The following BEST1 variants were observed in gnomAD, a reference collection of about 807,000 sequenced individuals.
BEST1 encodes the protein bestrophin 1.
In BEST1, 58 loss-of-function variants were observed where a neutral mutation model predicts 63.3. The ratio of observed to expected loss-of-function variants is 0.92; its 90% CI spans 0.74 to 1.14. The LOEUF is 1.14. BEST1 is among the 50% of genes most tolerant of loss of function. The pLI, the probability that BEST1 is intolerant of heterozygous loss-of-function variation, is 0.00. For missense variants in BEST1, 671 were observed against 740.1 expected (o/e 0.91, Z 1.08); for synonymous variants, 283 against 291.6 (o/e 0.97, Z 0.30).
At position 61,962,331 on chromosome 11, in the gene BEST1, T is replaced by C; in HGVS notation, c.1177T>C (p.Phe393Leu). Reference protein sequence around the residue: ...EDAHAGIIGRFLGLQSHDHHP... With the variant: ...EDAHAGIIGRLLGLQSHDHHP... ...TGCTCACGCTGGCATCATTGGCCGC[T>C]TCCTAGGCCTGCAGTCCCATGATCA... The change falls in exon 10 of 11, where the codon TTC becomes CTC. Residue 393 changes from phenylalanine (F) to leucine (L), a missense_variant. Physicochemically the swap from Phe to Leu is conservative, Grantham distance 22. Transcript: ENST00000378043. 6.2e-7 allele frequency: 1 copy of C among 1,614,124 alleles called. No individual in the cohort carries two copies. The highest frequency in any genetic ancestry group is 8.5e-7 in the Non-Finnish European group (1 of 1,180,012).
At chr11:61,957,083 T>A in intron 5 of BEST1, 85 bp downstream of exon 5, 1 of 1,594,580 alleles carries the variant, frequency 6.3e-7, no homozygotes, top group Non-Finnish European at 8.5e-7. Flanking sequence ...AAGAGAAGCC[T>A]TGGGCCCCTG....
chr11:61,959,405 G>T (rs1390112263), intron 7 of BEST1, 93 bp from the exon 8 acceptor site: 3 of 1,229,486 alleles, frequency 2.4e-6, no homozygotes, highest in Non-Finnish European at 3.6e-6. Context: ...GGGCGTCATG[G>T]GGTGTGGAAA....
chr11:61,963,498 T>C, intron 10 of BEST1: 1 of 1,058,588 alleles, frequency 9.4e-7, no homozygotes, highest in Non-Finnish European at 1.1e-6. Flanking sequence ...CAAAATCAGA[T>C]ATTTCCCTTT....
chr11:61,958,893 C>G, intron 7 of BEST1: 1 of 102,488 alleles, frequency 9.8e-6, no homozygotes, highest in Non-Finnish European at 1.9e-5. Flanking sequence ...CACACACACA[C>G]ACACACACAC....
chr11:61,959,382 G>T, intron 7 of BEST1, 116 bp from the exon 8 acceptor site: 2 of 974,466 alleles, frequency 2.1e-6, no homozygotes, highest in Non-Finnish European at 3.2e-6. Context: ...TGAAGACAGT[G>T]GTCAGGCAGG....
rs578075838 is a variant in BEST1, at chr11:61,962,644, C to T, written c.1490C>T (p.Thr497Ile). The change falls in exon 10 of 11, where the codon ACC (threonine) becomes ATC (isoleucine). Residue 497 changes from threonine (T) to isoleucine (I), a missense_variant. By Grantham distance (89) the Thr-to-Ile change is moderately conservative. Transcript: ENST00000378043. ...CTTCACAGTGTCACAGGCATAGACACCAAAGACAAAAGCTTAAAGACTGTG... is the reference window on the plus strand; with the variant it reads ...CTTCACAGTGTCACAGGCATAGACATCAAAGACAAAAGCTTAAAGACTGTG... The part of the protein sequence containing the change: ...SKLHSVTGID[T>I]KDKSLKTVSS... 2 of 1,614,006 alleles carry T rather than the reference C, an allele frequency of 1.2e-6. No individual in the cohort carries two copies. Among genetic ancestry groups the T allele is most frequent in the Admixed American group, 1.7e-5 (1 of 59,986 alleles).
At chr11:61,958,328 GA>G in intron 7 of BEST1, 30 bp downstream of exon 7, 1 of 1,614,118 alleles carries the variant, frequency 6.2e-7, no homozygotes, top group Admixed American at 1.7e-5. Context: ...TGCTGGGCTG[GA>G]GGCATGGCCA....
chr11:61,954,902 A>AG, intron 2 of BEST1: 2 of 985,348 alleles, frequency 2.0e-6, no homozygotes, highest in South Asian at 9.4e-5. Flanking sequence ...AAACCACTGG[A>AG]GGGGGCCTCC....
At chr11:61,963,881 T>C (rs1357930350) in intron 10 of BEST1, 22 of 1,338,022 alleles carry the variant, frequency 1.6e-5, no homozygotes, top group African/African-American at 6.0e-5. Flanking sequence ...GGTGTGCCTG[T>C]AGTCCCAACG....
In BEST1 at chr11:61,962,901, C is replaced by T. The variant is rs1942226770; in HGVS notation, c.1739+8C>T. On this transcript the variant is annotated splice_region_variant and intron_variant, in intron 10 of 10. Transcript: ENST00000378043. ...TTGGGCCTTGGAAAACAGGTCTGTC[C>T]TCCACCTGAACCAGGGGCACTGCAT... The T allele has an allele frequency of 1.2e-6, 2 of 1,613,980 alleles. No homozygotes were observed. Among genetic ancestry groups the T allele is most frequent in the African/African-American group, 1.3e-5 (1 of 74,930 alleles).
chr11:61,957,589 T>C, intron 6 of BEST1, 125 bp downstream of exon 6: 1 of 904,162 alleles, frequency 1.1e-6, no homozygotes, highest in Admixed American at 2.0e-5. Context: ...GGTCCACACT[T>C]TGAAGTTGGG....
intron 6 of BEST1, 62 bp downstream of exon 6, chr11:61,957,526 C>T: frequency 6.5e-7 from 1 of 1,532,180 alleles, no homozygotes; most frequent in Non-Finnish European, 9.0e-7. Flanking sequence ...ACCAAGGAAG[C>T]AGCTGGGGTG....
At position 61,958,130 on chromosome 11, in the gene BEST1, C is replaced by CTCCTCCTCT. The variant is rs756104795; in HGVS notation, c.715-8_715-7insTTCCTCCTC. The CTCCTCCTCT allele has an allele frequency of 6.2e-7, 1 of 1,600,340 alleles. No individual in the cohort carries two copies. The highest frequency in any genetic ancestry group is 1.1e-5 in the South Asian group (1 of 90,916). ...CCACCTAGCCCTTTGCTACCACATC[C>CTCCTCCTCT]TCCTCCTCCTCCCAGGTGGTGACTG... On this transcript the variant is annotated splice_polypyrimidine_tract_variant and intron_variant, in intron 6 of 10. Coordinates refer to ENST00000378043, the MANE Select transcript of BEST1 (RefSeq NM_004183.4).
intron 2 of BEST1, 41 bp from the exon 3 acceptor site, chr11:61,955,066 T>G (rs1280836613): frequency 8.7e-6 from 14 of 1,611,690 alleles, no homozygotes; most frequent in Non-Finnish European, 1.2e-5. Flanking sequence ...AGCCATCTCC[T>G]CGCTGCGTCC....
At position 61,962,608 on chromosome 11, in the gene BEST1, C is replaced by G; in HGVS notation, c.1454C>G (p.Ala485Gly). ...TPMFFPLEPS[A>G]PSKLHSVTGI... Reference sequence around the variant, plus strand: ...ATGTTCTTCCCCCTAGAACCATCAGCGCCGTCAAAGCTTCACAGTGTCACA... The same window carrying G: ...ATGTTCTTCCCCCTAGAACCATCAGGGCCGTCAAAGCTTCACAGTGTCACA... Residue 485 changes from alanine (A) to glycine (G), a missense_variant, in exon 10 of 11, where the codon GCG becomes GGG. Transcript: ENST00000378043. 1 of 1,614,184 alleles carries G rather than the reference C, an allele frequency of 6.2e-7. No individual in the cohort carries two copies.
At chr11:61,959,643 C>A in intron 8 of BEST1, 65 bp downstream of exon 8, 1 of 1,565,736 alleles carries the variant, frequency 6.4e-7, no homozygotes, top group East Asian at 2.2e-5. Context: ...AGAGAGGACC[C>A]CACTGTTCTG....
Position 61,955,849 on chromosome 11 carries a change from A to T in BEST1, c.379A>T (p.Thr127Ser). ...KDEQGRLLRR[T>S]LIRYANLGNV... ...CGAGCAAGGCCGGCTGCTGCGGCGC[A>T]CGCTCATCCGCTACGCCAACCTGGG... The change falls in exon 4 of 11, where the codon ACG (threonine) becomes TCG (serine). Residue 127 changes from threonine to serine, a missense_variant. Transcript: ENST00000378043. The T allele has an allele frequency of 6.4e-7, 1 of 1,550,430 alleles. No individual in the cohort carries two copies. The highest frequency in any genetic ancestry group is 2.4e-5 in the East Asian group (1 of 40,978).
downstream of BEST1, chr11:61,965,347 A>G (rs1276481245): frequency 2.5e-6 from 4 of 1,581,444 alleles, no homozygotes; most frequent in Non-Finnish European, 3.4e-6. Flanking sequence ...GAAGTATGAC[A>G]CCCCTAGGAT....
chr11:61,954,832 C>T, intron 2 of BEST1: 1 of 985,436 alleles, frequency 1.0e-6, no homozygotes. Flanking sequence ...CTGGCCTCTG[C>T]AGCAGGACCT....
Sources: allele counts gnomAD v4.1 joint callset, GRCh38; gene constraint gnomAD v4.1.1; transcripts MANE v1.5; gene names NCBI Gene and HGNC (gene_info 2026-07-23, HGNC 2026-07-21).